The following CRBN variants were observed in gnomAD, a reference collection of about 807,000 sequenced individuals.
CRBN encodes cereblon.
A neutral mutation model predicts 62.2 loss-of-function variants in CRBN; 53 were observed. That is an observed-to-expected ratio of 0.85 (90% CI 0.68 to 1.07). The LOEUF (loss-of-function observed/expected upper bound fraction) is 1.07, where lower values mean the gene tolerates loss of function less well. Ranked by LOEUF, CRBN falls within the 50% of genes least tolerant of loss-of-function variation. The pLI is 0.00. For synonymous variants in CRBN, 208 were observed against 176.1 expected (o/e 1.18, Z -1.43); for missense variants, 616 against 531.1 (o/e 1.16, Z -1.57).
Position 3,179,643 on chromosome 3 carries a change from G to C in CRBN, c.45C>G (p.Gly15=). Residue 15 remains glycine, a synonymous_variant, in exon 1 of 11, where the codon GGC becomes GGG. Coordinates refer to ENST00000231948, the MANE Select transcript of CRBN (RefSeq NM_016302.4). ...TACCAGGCAGGAGCGGCAGGTGGTT[G>C]CCCATGTTGTGCGCAGCGTCCTGCT... is the stretch of plus-strand genomic sequence containing the variant. ...GDQQDAAHNM[G]NHLPLLPAES... 5.0e-6 allele frequency: 8 copies of C among 1,613,232 alleles called. No individual in the cohort carries two copies. Among genetic ancestry groups the C allele is most frequent in the Non-Finnish European group, 6.8e-6 (8 of 1,179,650 alleles).
intron 5 of CRBN, among the ~76,000 whole-genome samples, chr3:3,164,852 T>C (rs1707267881): frequency 6.6e-6 from 1 of 152,236 alleles, no homozygotes; most frequent in South Asian, 2.1e-4. Context: ...AAATACATTT[T>C]TCATAGGCTA....
chr3:3,154,700 T>A (rs768041424), intron 7 of CRBN, 47 bp downstream of exon 7: 2 of 1,030,870 alleles, frequency 1.9e-6, no homozygotes, highest in African/African-American at 3.1e-5. Context: ...AGCTATTTTT[T>A]ATAGCAAGAC....
rs182500255 is a variant in CRBN, at chr3:3,158,490, T to C, written c.688-2209A>G. 1.1e-4 allele frequency among the ~76,000 whole-genome samples: 17 copies of C among 152,288 alleles called. No homozygotes were observed. In the East Asian group the frequency reaches 2.5e-3, roughly 22 times the overall value. On this transcript the variant is annotated intron_variant, in intron 5 of 10. Coordinates refer to ENST00000231948, the MANE Select transcript of CRBN (RefSeq NM_016302.4). Reference sequence around the variant, plus strand: ...GACCCTTCAGGTACTCTCCAATAAGTTGTCCCTCACTTTTAAGACTAAATA... The same window carrying C: ...GACCCTTCAGGTACTCTCCAATAAGCTGTCCCTCACTTTTAAGACTAAATA...
At chr3:3,156,355 G>GA in intron 5 of CRBN, 74 bp from the exon 6 acceptor site, 4 of 1,363,872 alleles carry the variant, frequency 2.9e-6, no homozygotes, top group Non-Finnish European at 4.2e-6. Context: ...AGCAACATCT[G>GA]AAAAATGATT....
chr3:3,167,444 T>C, intron 5 of CRBN, 190 bp downstream of exon 5: 1 of 576,340 alleles, frequency 1.7e-6, no homozygotes, highest in Non-Finnish European at 3.1e-6. Context: ...TGTGACATTT[T>C]ATTGCTTTTG....
At chr3:3,157,786 C>T (rs1706962986) in intron 5 of CRBN, among the ~76,000 whole-genome samples, 1 of 152,160 alleles carries the variant, frequency 6.6e-6, no homozygotes. Context: ...AAAGTAACTG[C>T]GGTTTTAACA....
chr3:3,175,024 ATCTACT>A (rs1466513717), intron 2 of CRBN, 133 bp downstream of exon 2: 65 of 588,944 alleles, frequency 1.1e-4, no homozygotes, highest in Admixed American at 4.2e-4. Context: ...TTAAATGTTT[ATCTACT>A]GGCAAATAGC....
chr3:3,154,132 C>T, intron 7 of CRBN, 57 bp from the exon 8 acceptor site: 2 of 1,006,476 alleles, frequency 2.0e-6, no homozygotes, highest in South Asian at 1.3e-5. Flanking sequence ...CATCAGAGAA[C>T]TTACAAATCG....
chr3:3,164,486 CTGGTGACTTT>C (rs1707251754), intron 5 of CRBN, among the ~76,000 whole-genome samples: 1 of 152,174 alleles, frequency 6.6e-6, no homozygotes, highest in African/African-American at 2.4e-5. Flanking sequence ...GGGCTAATAG[CTGGTGACTTT>C]AAGTTAAAGC....
In CRBN at chr3:3,178,807, C is replaced by T. The variant is rs181775574; in HGVS notation, c.67+814G>A. Among the ~76,000 whole-genome samples, 87 of 152,250 alleles carry T rather than the reference C, an allele frequency of 5.7e-4. 1 individual carries two copies. The highest frequency in any genetic ancestry group is 8.8e-5 in the Non-Finnish European group (6 of 68,024). On this transcript the variant is annotated intron_variant, in intron 1 of 10. Transcript: ENST00000231948. ...ATATAACGAAGGGACTCAAGTAATACTTTCAAGTTTGGATGATACACCTTT... is the reference window on the plus strand; with the variant it reads ...ATATAACGAAGGGACTCAAGTAATATTTTCAAGTTTGGATGATACACCTTT...
intron 10 of CRBN, among the ~76,000 whole-genome samples, 200 bp downstream of exon 10, chr3:3,152,256 G>C (rs1039125869): frequency 6.6e-6 from 1 of 151,306 alleles, no homozygotes; most frequent in African/African-American, 2.4e-5. Flanking sequence ...AGGTTCAAGA[G>C]ATTCTTGTGC....
At chr3:3,171,523 T>C (rs1349035531) in intron 4 of CRBN, among the ~76,000 whole-genome samples, 1 of 152,150 alleles carries the variant, frequency 6.6e-6, no homozygotes, top group East Asian at 1.9e-4. Flanking sequence ...TAAAATCCTG[T>C]CAGGACAGTG....
chr3:3,151,811 G>T (rs1295607626), intron 10 of CRBN, among the ~76,000 whole-genome samples: 1 of 122,538 alleles, frequency 8.2e-6, no homozygotes, highest in Non-Finnish European at 1.7e-5. Flanking sequence ...GGATCATAGA[G>T]AATCATTAAG....
chr3:3,158,198 C>T (rs1309861490), intron 5 of CRBN, among the ~76,000 whole-genome samples: 1 of 152,172 alleles, frequency 6.6e-6, no homozygotes, highest in Admixed American at 6.5e-5. Context: ...ATAAGGAGCA[C>T]GCAGTCTAGA....
intron 4 of CRBN, among the ~76,000 whole-genome samples, chr3:3,170,702 T>C (rs947400608): frequency 6.6e-6 from 1 of 152,230 alleles, no homozygotes; most frequent in Non-Finnish European, 1.5e-5. Flanking sequence ...GCCTTTTAAA[T>C]GAAGACAGAC....
chr3:3,171,839 C>T (rs1255504342), intron 4 of CRBN, among the ~76,000 whole-genome samples: 1 of 152,124 alleles, frequency 6.6e-6, no homozygotes, highest in Non-Finnish European at 1.5e-5. Flanking sequence ...TCAGAAGATA[C>T]CACCTGGGCA....
intron 5 of CRBN, among the ~76,000 whole-genome samples, chr3:3,163,680 T>C (rs1026710143): frequency 6.6e-6 from 1 of 152,218 alleles, no homozygotes; most frequent in Non-Finnish European, 1.5e-5. Context: ...ACTCTATACT[T>C]AGAACTTTGC....
At chr3:3,178,025 AAAC>A (rs1008719989) in intron 1 of CRBN, among the ~76,000 whole-genome samples, 3 of 152,082 alleles carry the variant, frequency 2.0e-5, no homozygotes, top group Non-Finnish European at 4.4e-5. Context: ...AACAAAAAAA[AAAC>A]AAACAAAAAA....
chr3:3,173,353 C>T (rs763941213), intron 3 of CRBN, among the ~76,000 whole-genome samples: 9 of 152,086 alleles, frequency 5.9e-5, no homozygotes, highest in Non-Finnish European at 8.8e-5. Flanking sequence ...CTACCATGCC[C>T]GGCCAATTTT....
Sources: gnomAD v4.1 joint callset for allele counts (sites outside exome capture counted in the v4.1 genomes callset) on GRCh38, gnomAD v4.1.1 for gene constraint, MANE v1.5 for transcripts, NCBI Gene and HGNC (gene_info 2026-07-23, HGNC 2026-07-21) for gene names.